Variants in TMEM116 observed in about 807,000 individuals in gnomAD.
TMEM116 encodes the protein transmembrane protein 116.
TMEM116 carries 38 observed loss-of-function variants against 44.3 expected under a neutral mutation model. The observed-to-expected ratio is 0.86, with a 90% CI of 0.66 to 1.12. The LOEUF (loss-of-function observed/expected upper bound fraction) is 1.12, where lower values mean the gene tolerates loss of function less well. TMEM116 is among the 50% of genes most tolerant of loss of function. The pLI, the probability that TMEM116 is intolerant of heterozygous loss-of-function variation, is 0.00. For missense variants in TMEM116, 354 were observed against 401.7 expected (o/e 0.88, Z 1.01); for synonymous variants, 132 against 144.8 (o/e 0.91, Z 0.64).
At chr12:111,945,185 AAT>A (rs2073159478) in intron 4 of TMEM116, among the ~76,000 whole-genome samples, 1 of 151,410 alleles carries the variant, frequency 6.6e-6, no homozygotes, top group African/African-American at 2.4e-5. Context: ...CTCTACTAAA[AAT>A]ACAAAAATTA....
chr12:112,000,816 TG>T, intron 3 of TMEM116: 1 of 515,908 alleles, frequency 1.9e-6, no homozygotes. Context: ...TGTTACAGAT[TG>T]AATACGGTTC....
At position 112,011,088 on chromosome 12, in the gene TMEM116, C is replaced by G. The variant is rs192645683; in HGVS notation, c.-34+1914G>C. The G allele has an allele frequency of 9.9e-4, 151 of 152,392 alleles. 1 individual carries two copies. Among genetic ancestry groups the G allele is most frequent in the African/African-American group, 3.5e-3 (146 of 41,554 alleles). The allele number at this position is 152,392 out of a possible 1,614,324, so 9.4% of individuals were successfully genotyped here. On this transcript the variant is annotated intron_variant, in intron 1 of 10. Coordinates refer to ENST00000552374, the MANE Select transcript of TMEM116 (RefSeq NM_001193531.2). ...AGTCCAGGCGGTGGGAACAGACACT[C>G]CTGAGCCTGCAGGGATTGCAGTAGG...
chr12:111,949,108 T>A (rs1321961434), intron 4 of TMEM116, among the ~76,000 whole-genome samples: 1 of 151,442 alleles, frequency 6.6e-6, no homozygotes, highest in Admixed American at 6.6e-5. Flanking sequence ...GGCAAGGCCC[T>A]CTCCCCCAAC....
chr12:111,981,093 T>C (rs1266992053), intron 4 of TMEM116, among the ~76,000 whole-genome samples: 2 of 151,216 alleles, frequency 1.3e-5, no homozygotes, highest in Non-Finnish European at 1.5e-5. Context: ...ACTTATCAAA[T>C]TGTATACTTT....
intron 3 of TMEM116, chr12:111,993,110 C>G (rs558915201): frequency 1.4e-4 from 31 of 217,282 alleles, no homozygotes; most frequent in Admixed American, 3.7e-4. Flanking sequence ...CAAGGCCCCC[C>G]CACTGCTCTC....
intron 2 of TMEM116, among the ~76,000 whole-genome samples, chr12:112,004,648 A>G (rs2077477548): frequency 1.3e-5 from 2 of 149,294 alleles, no homozygotes. Flanking sequence ...TCCAGAGGCC[A>G]TGCCAATCTT....
intron 3 of TMEM116, among the ~76,000 whole-genome samples, chr12:112,001,678 T>C (rs1451240160): frequency 6.6e-6 from 1 of 152,222 alleles, no homozygotes; most frequent in African/African-American, 2.4e-5. Flanking sequence ...GTGTAAGTCA[T>C]ACTTTATTAA....
intron 3 of TMEM116, among the ~76,000 whole-genome samples, chr12:111,992,514 C>A (rs1235628613): frequency 5.3e-5 from 8 of 152,076 alleles, no homozygotes; most frequent in Admixed American, 5.2e-4. Flanking sequence ...TGTGATCCAC[C>A]CTCCTCGGCC....
intron 7 of TMEM116, 132 bp from the exon 8 acceptor site, chr12:111,936,962 AC>A: frequency 9.4e-7 from 1 of 1,062,548 alleles, no homozygotes; most frequent in Admixed American, 2.6e-5. Flanking sequence ...TCTCTCCCCC[AC>A]AGACACATTA....
At chr12:112,000,356 CT>C (rs1396689057) in intron 3 of TMEM116, among the ~76,000 whole-genome samples, 4 of 152,030 alleles carry the variant, frequency 2.6e-5, no homozygotes, top group African/African-American at 7.2e-5. Context: ...AACTTCAAAA[CT>C]TTTTAAAAAA....
intron 1 of TMEM116, among the ~76,000 whole-genome samples, chr12:112,008,241 C>T (rs1253609793): frequency 1.3e-5 from 2 of 152,038 alleles, no homozygotes; most frequent in African/African-American, 4.8e-5. Flanking sequence ...CCAACACTTT[C>T]GGAGGCCGAG....
chr12:112,009,095 A>G (rs963798603), intron 1 of TMEM116, among the ~76,000 whole-genome samples: 1 of 152,252 alleles, frequency 6.6e-6, no homozygotes, highest in African/African-American at 2.4e-5. Flanking sequence ...AAGGAAGGAA[A>G]TGCCCAGTGC....
intron 5 of TMEM116, among the ~76,000 whole-genome samples, chr12:111,940,006 C>T (rs543483257): frequency 2.7e-5 from 4 of 148,906 alleles, no homozygotes; most frequent in African/African-American, 9.9e-5. Context: ...GGCATGGTGG[C>T]TTATGTCTGT....
rs773413912 is a variant in TMEM116, at chr12:111,934,010, C to G, written c.609G>C (p.Gln203His). The G allele has an allele frequency of 6.2e-7, 1 of 1,614,144 alleles. No homozygotes were observed. The highest frequency in any genetic ancestry group is 8.5e-7 in the Non-Finnish European group (1 of 1,180,020). Residue 203 changes from glutamine to histidine, a missense_variant, in exon 9 of 11, where the codon CAG becomes CAC. By Grantham distance (24) the Gln-to-His change is conservative (BLOSUM62 0). Transcript: ENST00000552374. ...ACTTCACAAACTTCTTATACAATGT[C>G]TGGGCTCGGATAAGTAAGACCTAAA... ...LTIMVLLIRA[Q>H]TLYKKFVKST...
At chr12:111,982,632 AAATC>A (rs533025843) in intron 4 of TMEM116, among the ~76,000 whole-genome samples, 15 of 152,002 alleles carry the variant, frequency 9.9e-5, no homozygotes, top group Admixed American at 5.2e-4. Context: ...TCAATATAGA[AAATC>A]AATCAATCAA....
chr12:111,985,907 C>A (rs907087051), intron 4 of TMEM116, among the ~76,000 whole-genome samples: 2 of 152,036 alleles, frequency 1.3e-5, no homozygotes, highest in African/African-American at 4.8e-5. Flanking sequence ...GAAACAATTA[C>A]TGTTGTTAAG....
intron 4 of TMEM116, among the ~76,000 whole-genome samples, chr12:111,964,652 C>CTG (rs2074862455): frequency 1.3e-5 from 2 of 152,072 alleles, no homozygotes; most frequent in Non-Finnish European, 2.9e-5. Context: ...TAACCGTATT[C>CTG]CAAAGTGTGG....
chr12:111,992,217 T>A (rs1413427931), intron 3 of TMEM116, among the ~76,000 whole-genome samples: 1 of 151,920 alleles, frequency 6.6e-6, no homozygotes, highest in Non-Finnish European at 1.5e-5. Flanking sequence ...GGTGGAGATG[T>A]ACCACAAGGA....
intron 4 of TMEM116, among the ~76,000 whole-genome samples, chr12:111,954,451 A>G (rs2073948677): frequency 6.6e-6 from 1 of 152,226 alleles, no homozygotes; most frequent in African/African-American, 2.4e-5. Flanking sequence ...TGAAAAATAA[A>G]CAGAACAATA....
Sources: gnomAD v4.1 joint callset for allele counts (sites outside exome capture counted in the v4.1 genomes callset) on GRCh38, gnomAD v4.1.1 for gene constraint, MANE v1.5 for transcripts, NCBI Gene and HGNC (gene_info 2026-07-23, HGNC 2026-07-21) for gene names.